The following SERINC5 variants were observed in gnomAD, a reference collection of about 807,000 sequenced individuals.
SERINC5 encodes the protein chromosome 5 open reading frame 12.
Under a neutral mutation model 63.1 loss-of-function variants are expected in SERINC5, and 41 were observed. The observed-to-expected ratio is 0.65, with a 90% CI of 0.51 to 0.84. SERINC5 has a LOEUF of 0.84. Ranked by LOEUF, SERINC5 falls within the 40% of genes least tolerant of loss-of-function variation. SERINC5 has a pLI of 0.00. For synonymous variants in SERINC5, 222 were observed against 215.2 expected, an observed-to-expected ratio of 1.03 and a Z score of -0.28; for missense variants, 523 against 573.0, an observed-to-expected ratio of 0.91 and a Z score of 0.89.
intron 6 of SERINC5, 156 bp from the exon 7 acceptor site, chr5:80,166,634 A>C: frequency 1.9e-6 from 1 of 540,056 alleles, no homozygotes; most frequent in Non-Finnish European, 3.3e-6. Context: ...TTCTCAGATA[A>C]AACTAAAAAG....
At chr5:80,133,949 G>C (rs892173275), downstream of SERINC5, among the ~76,000 whole-genome samples, 5 of 152,224 alleles carry the variant, frequency 3.3e-5, no homozygotes, top group Non-Finnish European at 7.3e-5. Flanking sequence ...CACAAGACCA[G>C]ATGAACCAAT....
At chr5:80,228,055 C>G (rs1751247308) in intron 1 of SERINC5, among the ~76,000 whole-genome samples, 1 of 146,686 alleles carries the variant, frequency 6.8e-6, no homozygotes, top group Non-Finnish European at 1.5e-5. Context: ...AACCCCATCT[C>G]TACAAATAAT....
rs1359228261 is a variant in SERINC5, at chr5:80,141,472, A to G, written c.*2191T>C. 5 of 952,222 alleles carry G rather than the reference A, an allele frequency of 5.3e-6. No homozygotes were observed. Among genetic ancestry groups the G allele is most frequent in the Non-Finnish European group, 6.0e-6 (5 of 828,882 alleles). 59.0% of individuals were successfully genotyped at this position (952,222 alleles called of 1,614,324 possible). A position where few individuals can be genotyped will look rare whatever the true frequency, so the allele number is the denominator to read the frequency against. On this transcript the variant is annotated 3_prime_UTR_variant, in exon 12 of 12. Transcript: ENST00000507668. Reference sequence around the variant, plus strand: ...GACTGCGCGTAAGGTCAGTTTCTCAAATCACACCAGCTGGCAGCCAGACCC... The same window carrying G: ...GACTGCGCGTAAGGTCAGTTTCTCAGATCACACCAGCTGGCAGCCAGACCC...
Position 80,169,450 on chromosome 5 carries a change from C to G in SERINC5, c.648G>C (p.Met216Ile). The G allele has an allele frequency of 6.2e-7, 1 of 1,613,940 alleles. No individual in the cohort carries two copies. The highest frequency in any genetic ancestry group is 8.5e-7 in the Non-Finnish European group (1 of 1,179,868). The change falls in exon 6 of 12, where the codon ATG (methionine) becomes ATC (isoleucine). Residue 216 changes from methionine to isoleucine, a missense_variant. Physicochemically the swap from Met to Ile is conservative, Grantham distance 10 (BLOSUM62 1). Transcript: ENST00000507668. ...TGTCTTTCTGTGTATAAAACACTGC[C>G]ATCAAAACCAAGCCTCCAGTGGCAA... is the stretch of plus-strand genomic sequence containing the variant. ...YSIATGGLVLMAVFYTQKDSC... is the reference protein window; with the variant it reads ...YSIATGGLVLIAVFYTQKDSC...
At chr5:80,242,979 G>C (rs996066880) in intron 1 of SERINC5, among the ~76,000 whole-genome samples, 2 of 152,128 alleles carry the variant, frequency 1.3e-5, no homozygotes, top group Admixed American at 1.3e-4. Flanking sequence ...AGTTTTAGTA[G>C]GTCAGGGAGA....
intron 1 of SERINC5, among the ~76,000 whole-genome samples, chr5:80,222,002 C>T (rs1750925294): frequency 6.6e-6 from 1 of 151,910 alleles, no homozygotes; most frequent in African/African-American, 2.4e-5. Flanking sequence ...TCTTAATTAG[C>T]TAGGCGTGGT....
chr5:80,127,524 C>T (rs10057542), intron 11 of SERINC5, among the ~76,000 whole-genome samples: 10,536 of 152,174 alleles, frequency 0.069, 434 homozygotes, highest in South Asian at 0.14. Flanking sequence ...ATAACTTAGC[C>T]GACACTGACT....
chr5:80,191,366 C>T (rs913230905), intron 2 of SERINC5, among the ~76,000 whole-genome samples: 1 of 150,584 alleles, frequency 6.6e-6, no homozygotes, highest in African/African-American at 2.4e-5. Context: ...TGGCTGGGCA[C>T]AGTGGCTTAC....
intron 2 of SERINC5, among the ~76,000 whole-genome samples, chr5:80,185,343 C>T (rs1368697329): frequency 2.0e-5 from 3 of 152,164 alleles, no homozygotes; most frequent in Non-Finnish European, 4.4e-5. Context: ...CACCCTGAGC[C>T]TCAGTTGTGC....
At chr5:80,230,031 C>G (rs768941898) in intron 1 of SERINC5, among the ~76,000 whole-genome samples, 2 of 152,234 alleles carry the variant, frequency 1.3e-5, no homozygotes, top group Middle Eastern at 3.4e-3. Flanking sequence ...GGGAGATTTA[C>G]CTAGTTGCCA....
At chr5:80,192,511 G>A (rs1749250564) in intron 2 of SERINC5, among the ~76,000 whole-genome samples, 1 of 152,024 alleles carries the variant, frequency 6.6e-6, no homozygotes, top group African/African-American at 2.4e-5. Flanking sequence ...GGGTGGGAAG[G>A]AATGGAGAGA....
intron 1 of SERINC5, among the ~76,000 whole-genome samples, chr5:80,219,410 CCT>C (rs1196881620): frequency 1.3e-5 from 2 of 152,214 alleles, no homozygotes; most frequent in African/African-American, 4.8e-5. Flanking sequence ...CCAGCTCTTC[CCT>C]CTTTTCACCC....
rs1747305593 is a variant in SERINC5, at chr5:80,166,422, G to C, written c.820C>G (p.Leu274Val). The C allele has an allele frequency of 6.3e-7, 1 of 1,595,674 alleles. No homozygotes were observed. The highest frequency in any genetic ancestry group is 8.5e-7 in the Non-Finnish European group (1 of 1,171,070). ...SGVISCYVTY[L>V]TFSALSSKPA... ...TTGCTGGACAGAGCTGAGAAGGTGA[G>C]GTAGGTGACATAGCAGCTTATGACC... The change falls in exon 7 of 12, where the codon CTC (leucine) becomes GTC (valine). Residue 274 changes from leucine (L) to valine (V), a missense_variant. Leu to Val is a conservative substitution (Grantham distance 32, BLOSUM62 1). Coordinates refer to ENST00000507668, the MANE Select transcript of SERINC5 (RefSeq NM_001174072.3).
chr5:80,178,680 G>T (rs1748216313), intron 2 of SERINC5, among the ~76,000 whole-genome samples: 1 of 150,620 alleles, frequency 6.6e-6, no homozygotes, highest in Admixed American at 6.7e-5. Flanking sequence ...ACTGCACCTG[G>T]CCTAAAATCC....
At chr5:80,117,480 T>A (rs1744379412) in intron 11 of SERINC5, among the ~76,000 whole-genome samples, 1 of 152,026 alleles carries the variant, frequency 6.6e-6, no homozygotes, top group African/African-American at 2.4e-5. Context: ...TACTAACTGA[T>A]AATCACACAG....
At chr5:80,184,173 C>T (rs995216856) in intron 2 of SERINC5, among the ~76,000 whole-genome samples, 2 of 152,184 alleles carry the variant, frequency 1.3e-5, no homozygotes, top group Non-Finnish European at 2.9e-5. Context: ...CATACCACTT[C>T]ATTCATTAGG....
chr5:80,196,979 T>G (rs938992555), intron 2 of SERINC5, among the ~76,000 whole-genome samples: 2 of 136,722 alleles, frequency 1.5e-5, no homozygotes, highest in Admixed American at 1.6e-4. Context: ...AAATGTTATA[T>G]TCATACAACA....
At chr5:80,161,113 A>C (rs1580087214) in intron 7 of SERINC5, among the ~76,000 whole-genome samples, 1 of 151,876 alleles carries the variant, frequency 6.6e-6, no homozygotes, top group East Asian at 1.9e-4. Flanking sequence ...TGGACACTTA[A>C]AGGTGATTCC....
intron 1 of SERINC5, among the ~76,000 whole-genome samples, chr5:80,255,378 G>A (rs74670786): frequency 4.2e-4 from 64 of 152,176 alleles, no homozygotes; most frequent in Non-Finnish European, 7.9e-4. Flanking sequence ...TAGTTTGGAA[G>A]TCAGGCTTCG....
Sources: allele counts gnomAD v4.1 joint callset (sites outside exome capture counted in the v4.1 genomes callset), GRCh38; gene constraint gnomAD v4.1.1; transcripts MANE v1.5; gene names NCBI Gene and HGNC (gene_info 2026-07-23, HGNC 2026-07-21).